Variants in EPM2A observed in about 807,000 individuals in gnomAD.
The protein encoded by EPM2A is EPM2A glucan phosphatase, laforin, also known as laforin.
Under a neutral mutation model 26.5 loss-of-function variants are expected in EPM2A, and 21 were observed. The ratio of observed to expected loss-of-function variants is 0.79; its 90% CI spans 0.56 to 1.14. EPM2A has a LOEUF of 1.14. Among genes scored for constraint, EPM2A ranks in the 50% most tolerant of loss-of-function variants. The pLI is 0.00. For missense variants in EPM2A, 458 were observed against 440.8 expected, an observed-to-expected ratio of 1.04 and a Z score of -0.35; for synonymous variants, 217 against 177.6, an observed-to-expected ratio of 1.22 and a Z score of -1.76.
intron 2 of EPM2A, among the ~76,000 whole-genome samples, chr6:145,572,729 C>G (rs567314550): frequency 3.3e-4 from 50 of 152,290 alleles, no homozygotes; most frequent in African/African-American, 1.2e-3. Flanking sequence ...CCACTGACAC[C>G]TCAAGCACCA....
chr6:145,525,878 A>T (rs552244916), intron 2 of EPM2A, among the ~76,000 whole-genome samples: 26 of 151,572 alleles, frequency 1.7e-4, no homozygotes, highest in Non-Finnish European at 3.0e-4. Context: ...CGTGTTCTCA[A>T]TGGTAATGTA....
chr6:145,523,573 A>C (rs1156315302), intron 2 of EPM2A, among the ~76,000 whole-genome samples: 2 of 152,162 alleles, frequency 1.3e-5, no homozygotes, highest in African/African-American at 4.8e-5. Flanking sequence ...TACCCATATA[A>C]ATAAGATGGT....
chr6:145,714,093 T>C (rs979302530), intron 1 of EPM2A, among the ~76,000 whole-genome samples: 2 of 152,254 alleles, frequency 1.3e-5, no homozygotes, highest in East Asian at 3.9e-4. Flanking sequence ...GGAATAAAGA[T>C]TGACTGGTAA....
chr6:145,595,180 T>C (rs1158062305), intron 2 of EPM2A, among the ~76,000 whole-genome samples: 3 of 151,996 alleles, frequency 2.0e-5, no homozygotes, highest in African/African-American at 7.2e-5. Flanking sequence ...TTTTCAAGTG[T>C]ATTGTTAATT....
intron 2 of EPM2A, among the ~76,000 whole-genome samples, chr6:145,649,520 T>C (rs1582965554): frequency 1.3e-5 from 2 of 152,212 alleles, no homozygotes; most frequent in East Asian, 3.9e-4. Flanking sequence ...GTGTAACACG[T>C]CAAAAATATG....
intron 1 of EPM2A, among the ~76,000 whole-genome samples, chr6:145,700,794 G>A (rs1409581213): frequency 1.3e-5 from 2 of 152,074 alleles, no homozygotes; most frequent in Non-Finnish European, 2.9e-5. Context: ...AACATATTTG[G>A]CATAAAATAT....
intron 2 of EPM2A, among the ~76,000 whole-genome samples, chr6:145,612,696 TAA>T (rs1225249840): frequency 1.3e-5 from 2 of 148,438 alleles, no homozygotes; most frequent in African/African-American, 4.9e-5. Context: ...TGTTATCTAT[TAA>T]GAGTACAATA....
At chr6:145,577,953 T>A (rs568668177) in intron 2 of EPM2A, among the ~76,000 whole-genome samples, 1 of 152,052 alleles carries the variant, frequency 6.6e-6, no homozygotes, top group Admixed American at 6.6e-5. Flanking sequence ...TGAGTGACCA[T>A]TGGGACAATG....
chr6:145,522,697 C>T (rs908406985), intron 2 of EPM2A, among the ~76,000 whole-genome samples: 1 of 152,070 alleles, frequency 6.6e-6, no homozygotes, highest in Admixed American at 6.5e-5. Flanking sequence ...TAGAACATTG[C>T]TTCAGGATAA....
At chr6:145,613,526 T>C (rs1775439758) in intron 2 of EPM2A, among the ~76,000 whole-genome samples, 1 of 152,206 alleles carries the variant, frequency 6.6e-6, no homozygotes, top group African/African-American at 2.4e-5. Flanking sequence ...GAGGAATCAC[T>C]ATGGAAGTTA....
intron 4 of EPM2A, among the ~76,000 whole-genome samples, chr6:145,488,124 T>G (rs1326780308): frequency 6.6e-6 from 1 of 152,094 alleles, no homozygotes; most frequent in African/African-American, 2.4e-5. Flanking sequence ...TATCAGATAG[T>G]TGTAGGTCTG....
chr6:145,671,013 T>A, intron 2 of EPM2A: 1 of 985,236 alleles, frequency 1.0e-6, no homozygotes, highest in Non-Finnish European at 1.2e-6. Flanking sequence ...TCTCAAATCA[T>A]TGAATCAGAT....
At chr6:145,520,934 G>T (rs1780194669) in intron 2 of EPM2A, among the ~76,000 whole-genome samples, 1 of 152,108 alleles carries the variant, frequency 6.6e-6, no homozygotes, top group South Asian at 2.1e-4. Context: ...CCTAAGAGGG[G>T]CAAAAGTGAT....
At chr6:145,450,497 G>A (rs1779183693) in intron 4 of EPM2A, among the ~76,000 whole-genome samples, 1 of 151,982 alleles carries the variant, frequency 6.6e-6, no homozygotes, top group African/African-American at 2.4e-5. Context: ...CTCACCAAAA[G>A]GCACATACAA....
rs562867767 is a variant in EPM2A at position 145,608,884 on chromosome 6, T to C, written c.340+26361A>G. On this transcript the variant is annotated intron_variant, in intron 2 of 3. Transcript: ENST00000450221. ...CAAATATTGAACTGACTTAACCAAATAGGCAACAAATTATATCAAAGAGAA... is the reference window on the plus strand; with the variant it reads ...CAAATATTGAACTGACTTAACCAAACAGGCAACAAATTATATCAAAGAGAA... Among the ~76,000 whole-genome samples the C allele has an allele frequency of 3.3e-5, 5 of 152,228 alleles. No homozygotes were observed. In the East Asian group the frequency reaches 9.6e-4, roughly 29 times the overall value.
At chr6:145,409,609 C>T (rs896147334) in intron 4 of EPM2A, among the ~76,000 whole-genome samples, 2 of 152,154 alleles carry the variant, frequency 1.3e-5, no homozygotes, top group African/African-American at 2.4e-5. Flanking sequence ...AAGCATCACC[C>T]TAAAGCTTAG....
At chr6:145,473,694 G>A (rs1459196235) in intron 4 of EPM2A, among the ~76,000 whole-genome samples, 2 of 152,058 alleles carry the variant, frequency 1.3e-5, no homozygotes, top group Non-Finnish European at 2.9e-5. Context: ...ATATAATGGA[G>A]CTCCAGTACA....
Position 145,385,389 on chromosome 6 carries a change from G to GA in EPM2A, c.556-1293dup. Among the ~76,000 whole-genome samples the GA allele has an allele frequency of 2.6e-5, 4 of 150,994 alleles. No homozygotes were observed. The South Asian group carries it at 8.4e-4, about 32-fold the overall frequency. On this transcript the variant is annotated intron_variant, in intron 4 of 4. Coordinates refer to the EPM2A transcript ENST00000638717. ...TCATCTCAACAATGGCTGGGTTGTTGAAAAAAATAAAAAATAAAAAAAGGT... is the reference window on the plus strand; with the variant it reads ...TCATCTCAACAATGGCTGGGTTGTTGAAAAAAAATAAAAAATAAAAAAAGGT...
At position 145,537,618 on chromosome 6, in the gene EPM2A, A is replaced by T. The variant is rs1172336979; in HGVS notation, c.341-35043T>A. On this transcript the variant is annotated intron_variant, in intron 2 of 3. Transcript: ENST00000450221. ...TTTTTTTTTAACTTTAAGTTCCAGG[A>T]TACATGTGTAGAATGTGCATGTACG... Among the ~76,000 whole-genome samples, 3 of 145,128 alleles carry T rather than the reference A, an allele frequency of 2.1e-5. No individual in the cohort carries two copies. In the Admixed American group the frequency reaches 2.1e-4, roughly 10 times the overall value.
Sources: gnomAD v4.1 joint callset for allele counts (sites outside exome capture counted in the v4.1 genomes callset) on GRCh38, gnomAD v4.1.1 for gene constraint, MANE v1.5 for transcripts, NCBI Gene and HGNC (gene_info 2026-07-23, HGNC 2026-07-21) for gene names.